FGF12: variants seen among roughly 807,000 people sequenced by gnomAD.
The protein encoded by FGF12 is fibroblast growth factor 12B.
Under a neutral mutation model 23.6 loss-of-function variants are expected in FGF12, and 14 were observed. The ratio of observed to expected loss-of-function variants is 0.59; its 90% confidence interval spans 0.39 to 0.93. The LOEUF is 0.93. Ranked by LOEUF, FGF12 falls within the 40% of genes least tolerant of loss-of-function variation. The probability of loss-of-function intolerance (pLI) is 0.00; values close to 1 mark genes in which losing one functional copy is unlikely to be tolerated. For synonymous variants in FGF12, 62 were observed against 77.3 expected, an observed-to-expected ratio of 0.80 and a Z score of 1.04; for missense variants, 175 against 217.8, an observed-to-expected ratio of 0.80 and a Z score of 1.24.
intron 2 of FGF12, among the ~76,000 whole-genome samples, chr3:192,628,287 T>A (rs1348207281): frequency 6.6e-6 from 1 of 152,144 alleles, no homozygotes; most frequent in East Asian, 1.9e-4. Context: ...TTCAGAGCTA[T>A]TTTAGATAAA....
chr3:192,502,427 T>C (rs565652699), intron 2 of FGF12, among the ~76,000 whole-genome samples: 3 of 152,304 alleles, frequency 2.0e-5, no homozygotes, highest in South Asian at 2.1e-4. Flanking sequence ...AAGAAGAGCA[T>C]GTCAGACTAA....
rs114932461 is a variant in FGF12 at position 192,293,225 on chromosome 3, C to G, written c.228+42136G>C. Among the ~76,000 whole-genome samples the G allele has an allele frequency of 7.1e-3, 1,038 of 145,492 alleles. 8 individuals carry two copies. The highest frequency in any genetic ancestry group is 0.025 in the African/African-American group (1,004 of 39,688). The stretch of plus-strand genomic sequence containing the variant: ...TTCTCTGGTTAATCTAATTCTGTGC[C>G]TTAGTGATGTTTACTGAAAAAAAAA... On this transcript the variant is annotated intron_variant, in intron 4 of 5. Coordinates refer to ENST00000445105, the MANE Select transcript of FGF12 (RefSeq NM_004113.6).
Position 192,360,212 on chromosome 3 carries a change from T to C in FGF12, c.124+216A>G, listed in dbSNP as rs758018397. On this transcript the variant is annotated intron_variant, in intron 3 of 5. Coordinates refer to ENST00000445105, the MANE Select transcript of FGF12 (RefSeq NM_004113.6). The surrounding 1 kb of genome is among the most constrained non-coding windows in gnomAD (Gnocchi z 4.3). ...TGCCCATTGACCAAATGGACAAGCC[T>C]CTTACCTTCTCTTAAGTGCATAACC... Among the ~76,000 whole-genome samples, 60 of 152,290 alleles carry C rather than the reference T, an allele frequency of 3.9e-4. No individual in the cohort carries two copies. The highest frequency in any genetic ancestry group is 6.6e-4 in the Non-Finnish European group (45 of 68,028).
intron 2 of FGF12, among the ~76,000 whole-genome samples, chr3:192,609,779 ACC>A (rs1714482808): frequency 6.6e-6 from 1 of 152,046 alleles, no homozygotes; most frequent in East Asian, 1.9e-4. Context: ...TGTATTTTAT[ACC>A]CCTTTTAATA....
Position 192,703,097 on chromosome 3 carries a change from C to T in FGF12, c.13+24084G>A, listed in dbSNP as rs184885926. Among the ~76,000 whole-genome samples, 9 of 152,188 alleles carry T rather than the reference C, an allele frequency of 5.9e-5. No homozygotes were observed. The East Asian group carries it at 1.5e-3, about 26-fold the overall frequency. On this transcript the variant is annotated intron_variant, in intron 2 of 5. Coordinates refer to ENST00000445105, the MANE Select transcript of FGF12 (RefSeq NM_004113.6). ...TTTAAATATGCTGTTTTTATATTCC[C>T]TCTATCTTTTCAGCAAAGTTAATCC...
At position 192,141,279 on chromosome 3, in the gene FGF12, A is replaced by G. The variant is rs1327272205; in HGVS notation, c.*2730T>C. On this transcript the variant is annotated 3_prime_UTR_variant, in exon 6 of 6. Transcript: ENST00000445105. ...AAACAAAGTACTTAAACTCAACCATATTTTTGGATGAAGTTGGATATTATA... is the reference window on the plus strand; with the variant it reads ...AAACAAAGTACTTAAACTCAACCATGTTTTTGGATGAAGTTGGATATTATA... 6.6e-6 allele frequency: 1 copy of G among 151,860 alleles called. No homozygotes were observed. The highest frequency in any genetic ancestry group is 1.5e-5 in the Non-Finnish European group (1 of 67,832). 9.4% of individuals were successfully genotyped at this position (151,860 alleles called of 1,614,324 possible).
intron 2 of FGF12, among the ~76,000 whole-genome samples, chr3:192,482,865 C>T (rs1200819096): frequency 6.6e-6 from 1 of 152,084 alleles, no homozygotes; most frequent in Non-Finnish European, 1.5e-5. Flanking sequence ...ATGATTTCCA[C>T]AAAATGAATA....
At chr3:192,187,897 G>C (rs947130882) in intron 4 of FGF12, among the ~76,000 whole-genome samples, 1 of 152,154 alleles carries the variant, frequency 6.6e-6, no homozygotes, top group East Asian at 1.9e-4. Context: ...GACATGGGGG[G>C]TCAACTGTGG....
At chr3:192,592,875 G>A (rs1439579301) in intron 2 of FGF12, among the ~76,000 whole-genome samples, 2 of 151,888 alleles carry the variant, frequency 1.3e-5, no homozygotes, top group East Asian at 3.9e-4. Context: ...CTGCTTTGAT[G>A]TCACACGTTT....
chr3:192,712,136 T>C (rs1323257763), intron 2 of FGF12, among the ~76,000 whole-genome samples: 1 of 151,044 alleles, frequency 6.6e-6, no homozygotes, highest in African/African-American at 2.4e-5. Flanking sequence ...AAAGATAAAC[T>C]TGAGCCCATA....
intron 2 of FGF12, among the ~76,000 whole-genome samples, chr3:192,635,940 A>G (rs1715566698): frequency 6.6e-6 from 1 of 152,172 alleles, no homozygotes; most frequent in Admixed American, 6.5e-5. Flanking sequence ...TACACAATAT[A>G]TGTTGTCTCA....
chr3:192,399,421 C>A (rs537658281), intron 2 of FGF12, among the ~76,000 whole-genome samples: 1 of 152,268 alleles, frequency 6.6e-6, no homozygotes, highest in Non-Finnish European at 1.5e-5. Context: ...GCCAGCCTCT[C>A]GAACTGTGAA....
At chr3:192,485,841 C>A (rs949058408) in intron 2 of FGF12, among the ~76,000 whole-genome samples, 2 of 152,012 alleles carry the variant, frequency 1.3e-5, no homozygotes, top group Non-Finnish European at 2.9e-5. Context: ...AATTTTATGT[C>A]ATTAAACATT....
rs542880075 is a variant in FGF12, at chr3:192,194,585, A to G, written c.229-23929T>C. ...TAGATGTTTGACAACCTAAAAATAAAATAGTATATACCTGGTGGAATTTTT... is the reference window on the plus strand; with the variant it reads ...TAGATGTTTGACAACCTAAAAATAAGATAGTATATACCTGGTGGAATTTTT... On this transcript the variant is annotated intron_variant, in intron 4 of 5. Coordinates refer to ENST00000445105, the MANE Select transcript of FGF12 (RefSeq NM_004113.6). Among the ~76,000 whole-genome samples the G allele has an allele frequency of 2.0e-5, 3 of 152,200 alleles. No individual in the cohort carries two copies. The South Asian group carries it at 6.2e-4, about 32-fold the overall frequency.
chr3:192,714,458 C>G (rs1466027917), intron 2 of FGF12, among the ~76,000 whole-genome samples: 1 of 150,440 alleles, frequency 6.6e-6, no homozygotes, highest in Non-Finnish European at 1.5e-5. Context: ...TTAGTACTTG[C>G]ATAGTTTTTA....
chr3:192,592,056 G>GA (rs144231225), intron 2 of FGF12, among the ~76,000 whole-genome samples: 9 of 150,770 alleles, frequency 6.0e-5, no homozygotes, highest in East Asian at 3.9e-4. Context: ...TAGGCAGGGG[G>GA]AAAAAAAAAT....
At chr3:192,515,306 G>C (rs956693396) in intron 2 of FGF12, 3 of 152,416 alleles carry the variant, frequency 2.0e-5, no homozygotes, top group African/African-American at 7.2e-5. Context: ...GGAAGCACCC[G>C]CAGGGAGGGC....
chr3:192,470,315 A>G (rs1293639342), intron 2 of FGF12, among the ~76,000 whole-genome samples: 1 of 152,236 alleles, frequency 6.6e-6, no homozygotes, highest in East Asian at 1.9e-4. Flanking sequence ...TAAATGCATT[A>G]CAATGCTTTG....
intron 2 of FGF12, among the ~76,000 whole-genome samples, chr3:192,630,554 A>ATTTTT (rs10695787): frequency 2.1e-5 from 3 of 140,338 alleles, no homozygotes; most frequent in Admixed American, 1.4e-4. Flanking sequence ...AAAAAATTCA[A>ATTTTT]TTTTTTTTTT....
Sources: allele counts gnomAD v4.1 joint callset (sites outside exome capture counted in the v4.1 genomes callset), GRCh38; gene constraint gnomAD v4.1.1; non-coding constraint Gnocchi (gnomAD v3.1); transcripts MANE v1.5; gene names NCBI Gene and HGNC (gene_info 2026-07-23, HGNC 2026-07-21).